The following NUBPL variants were observed in gnomAD, a reference collection of about 807,000 sequenced individuals.
The protein encoded by NUBPL is iron-sulfur cluster transfer protein NUBPL.
Under a neutral mutation model 45.7 loss-of-function variants are expected in NUBPL, and 31 were observed. The observed-to-expected ratio is 0.68, with a 90% CI of 0.51 to 0.92. The LOEUF (loss-of-function observed/expected upper bound fraction) is 0.92, where lower values mean the gene tolerates loss of function less well. Ranked by LOEUF, NUBPL falls within the 40% of genes least tolerant of loss-of-function variation. NUBPL has a pLI of 0.00. For missense variants in NUBPL, 401 were observed against 398.7 expected, an observed-to-expected ratio of 1.01 and a Z score of -0.05; for synonymous variants, 144 against 140.9, an observed-to-expected ratio of 1.02 and a Z score of -0.15.
chr14:31,630,876 A>C (rs535949807), intron 4 of NUBPL, among the ~76,000 whole-genome samples: 13 of 152,208 alleles, frequency 8.5e-5, no homozygotes, highest in Middle Eastern at 6.8e-3. Flanking sequence ...TTTCCCCACC[A>C]TTGGGTAATT....
intron 4 of NUBPL, among the ~76,000 whole-genome samples, chr14:31,614,727 C>T (rs1031817615): frequency 1.3e-5 from 2 of 152,034 alleles, no homozygotes; most frequent in South Asian, 2.1e-4. Flanking sequence ...TGTAGTTAGT[C>T]GGCATGAGAA....
At chr14:31,637,929 T>G (rs2035555986) in intron 4 of NUBPL, among the ~76,000 whole-genome samples, 1 of 152,216 alleles carries the variant, frequency 6.6e-6, no homozygotes, top group Admixed American at 6.5e-5. Context: ...TTTTTTATTT[T>G]CCATTTGCTT....
intron 6 of NUBPL, among the ~76,000 whole-genome samples, chr14:31,744,022 AG>A (rs535748135): frequency 9.9e-4 from 150 of 152,276 alleles, no homozygotes; most frequent in Admixed American, 3.7e-3. Flanking sequence ...TGCTGAAGAA[AG>A]TGTTAGTTAT....
chr14:31,627,166 A>G (rs2139651006), intron 4 of NUBPL, among the ~76,000 whole-genome samples: 1 of 152,282 alleles, frequency 6.6e-6, no homozygotes, highest in East Asian at 1.9e-4. Flanking sequence ...ACAATCTGAA[A>G]TGTGGGAGGA....
intron 9 of NUBPL, among the ~76,000 whole-genome samples, chr14:31,847,334 GT>G (rs1270972661): frequency 6.6e-6 from 1 of 152,156 alleles, no homozygotes; most frequent in Non-Finnish European, 1.5e-5. Context: ...TTAATTCTTT[GT>G]TAGTCTTTCT....
At chr14:31,643,651 T>C (rs1280801930) in intron 4 of NUBPL, among the ~76,000 whole-genome samples, 1 of 152,180 alleles carries the variant, frequency 6.6e-6, no homozygotes, top group Non-Finnish European at 1.5e-5. Context: ...ATCAGGGTAA[T>C]TCTGGCCTTA....
chr14:31,773,416 T>A (rs556450145), intron 6 of NUBPL, among the ~76,000 whole-genome samples: 9 of 150,310 alleles, frequency 6.0e-5, no homozygotes, highest in African/African-American at 2.3e-4. Context: ...TGTGGAGGTA[T>A]GGATCTGGAG....
intron 4 of NUBPL, among the ~76,000 whole-genome samples, chr14:31,630,382 C>T (rs1160413775): frequency 1.3e-5 from 2 of 152,066 alleles, no homozygotes; most frequent in East Asian, 1.9e-4. Context: ...ATTCTTTATT[C>T]GAATGTGATT....
chr14:31,822,178 C>T (rs918776075), intron 7 of NUBPL, among the ~76,000 whole-genome samples: 1 of 151,982 alleles, frequency 6.6e-6, no homozygotes, highest in African/African-American at 2.4e-5. Context: ...TTTAAAATAT[C>T]GAAAAGTTTA....
chr14:31,706,236 A>G (rs890925131), intron 6 of NUBPL, among the ~76,000 whole-genome samples: 2 of 152,132 alleles, frequency 1.3e-5, no homozygotes, highest in Non-Finnish European at 2.9e-5. Flanking sequence ...GATAGGGGCA[A>G]AGAAGGGGCC....
rs531499896 is a variant in NUBPL at position 31,815,062 on chromosome 14, A to G, written c.608-11567A>G. Among the ~76,000 whole-genome samples the G allele has an allele frequency of 5.9e-5, 9 of 152,266 alleles. 1 individual carries two copies. The East Asian group carries it at 1.7e-3, about 29-fold the overall frequency. ...TATGAAACTTAAAGTACCTTTTTCTAATTCTGTGAAGAAAGTCAGTGGTAG... is the reference window on the plus strand; with the variant it reads ...TATGAAACTTAAAGTACCTTTTTCTGATTCTGTGAAGAAAGTCAGTGGTAG... On this transcript the variant is annotated intron_variant, in intron 7 of 10. Transcript: ENST00000281081.
intron 8 of NUBPL, among the ~76,000 whole-genome samples, chr14:31,837,255 A>G (rs1240713891): frequency 2.0e-5 from 3 of 152,190 alleles, no homozygotes; most frequent in African/African-American, 2.4e-5. Context: ...CGGGAGTTGC[A>G]GTTTGTTTGA....
chr14:31,787,789 G>A lies in NUBPL; in HGVS notation c.523G>A (p.Gly175Ser), dbSNP rs752631820. The change falls in exon 7 of 11, where the codon GGT becomes AGT. Residue 175 changes from glycine (G) to serine (S), a missense_variant. By Grantham distance (56) the Gly-to-Ser change is moderately conservative. Coordinates refer to ENST00000281081, the MANE Select transcript of NUBPL (RefSeq NM_025152.3). The stretch of plus-strand genomic sequence containing the variant: ...TATGTCATCTTTTTAGGTAGATTGG[G>A]GTCAACTGGACTACTTAGTTGTAGA... ...IEKLLRQVDW[G>S]QLDYLVVDMP... 9.9e-6 allele frequency: 16 copies of A among 1,608,082 alleles called. No homozygotes were observed. In the East Asian group the frequency reaches 3.6e-4, roughly 36 times the overall value.
Position 31,700,620 on chromosome 14 carries a change from G to A in NUBPL, c.513+27046G>A, listed in dbSNP as rs541157844. On this transcript the variant is annotated intron_variant, in intron 6 of 10. Coordinates refer to ENST00000281081, the MANE Select transcript of NUBPL (RefSeq NM_025152.3). ...GCGAGTTCCGGGTGGGCGCAGGCTCGGCGGGCCCTGCACTTCGAGCGGCCG... is the reference window on the plus strand; with the variant it reads ...GCGAGTTCCGGGTGGGCGCAGGCTCAGCGGGCCCTGCACTTCGAGCGGCCG... Among the ~76,000 whole-genome samples the A allele has an allele frequency of 9.0e-4, 137 of 152,244 alleles. 4 individuals are homozygous for A. In the South Asian group the frequency reaches 0.024, roughly 26 times the overall value.
chr14:31,771,153 TA>T (rs34100181), intron 6 of NUBPL, among the ~76,000 whole-genome samples: 44,894 of 151,958 alleles, frequency 0.3, 7,463 homozygotes, highest in South Asian at 0.4. Flanking sequence ...GGTAGATTAT[TA>T]AAAGCTAAAG....
intron 4 of NUBPL, among the ~76,000 whole-genome samples, chr14:31,652,885 C>G (rs1816815): frequency 0.29 from 44,763 of 151,958 alleles, 7,483 homozygotes; most frequent in South Asian, 0.41. Context: ...ATTTTCCCTA[C>G]GTGTCAGCCG....
intron 7 of NUBPL, among the ~76,000 whole-genome samples, chr14:31,813,329 TTGAAGCCCATTTAAC>T (rs2039849771): frequency 1.3e-5 from 2 of 151,984 alleles, no homozygotes; most frequent in Non-Finnish European, 2.9e-5. Flanking sequence ...ATGAAGTGAC[TTGAAGCCCATTTAAC>T]TGTTCACTCC....
intron 6 of NUBPL, among the ~76,000 whole-genome samples, chr14:31,751,657 T>G (rs2038532197): frequency 6.6e-6 from 1 of 152,246 alleles, no homozygotes. Context: ...CTTTTCCAAG[T>G]GCACAGTGCA....
At chr14:31,825,730 A>T (rs11621691) in intron 7 of NUBPL, among the ~76,000 whole-genome samples, 5 of 114,982 alleles carry the variant, frequency 4.3e-5, no homozygotes, top group African/African-American at 7.1e-5. Flanking sequence ...CTCCTTCATC[A>T]TCTTCTTCAT....
Sources: allele counts gnomAD v4.1 joint callset (sites outside exome capture counted in the v4.1 genomes callset), GRCh38; gene constraint gnomAD v4.1.1; transcripts MANE v1.5; gene names NCBI Gene and HGNC (gene_info 2026-07-23, HGNC 2026-07-21).